HDAC9: variants seen among roughly 807,000 people sequenced by gnomAD.
The protein encoded by HDAC9 is MEF-2 interacting transcription repressor (MITR) protein.
HDAC9 carries 41 observed loss-of-function variants against 139.4 expected under a neutral mutation model. The ratio of observed to expected loss-of-function variants is 0.29; its 90% CI spans 0.23 to 0.38. The LOEUF is 0.38. Among genes scored for constraint, HDAC9 ranks in the 10% least tolerant of loss-of-function variants. The pLI is 1.00. For synonymous variants in HDAC9, 517 were observed against 476.2 expected (o/e 1.09, Z -1.12); for missense variants, 1,147 against 1,297.0 (o/e 0.88, Z 1.78).
At position 18,989,755 on chromosome 7, in the gene HDAC9, TC is replaced by T. The variant is rs1264059152; in HGVS notation, c.3171-6267del. 6.3e-5 allele frequency among the ~76,000 whole-genome samples: 5 copies of T among 79,106 alleles called. No homozygotes were observed. In the South Asian group the frequency reaches 1.2e-3, roughly 19 times the overall value. 51.9% of individuals were successfully genotyped at this position (79,106 alleles called of 152,430 possible). On this transcript the variant is annotated intron_variant, in intron 25 of 25. Transcript: ENST00000686413. The stretch of plus-strand genomic sequence containing the variant: ...TTTCTTGGAGGCTTTGCTCATTTCT[TC>T]TTATGCTTTTTTCTCTAAACTTCCC...
chr7:18,219,440 T>C (rs1006532300), intron 2 of HDAC9, among the ~76,000 whole-genome samples: 1 of 152,170 alleles, frequency 6.6e-6, no homozygotes, highest in Non-Finnish European at 1.5e-5. Flanking sequence ...CTAACTTACA[T>C]TTTATTGATT....
chr7:18,585,659 T>C (rs550144178), intron 3 of HDAC9, 137 bp downstream of exon 3: 11 of 1,184,470 alleles, frequency 9.3e-6, no homozygotes, highest in Admixed American at 2.7e-5. Flanking sequence ...GGAATTGTGA[T>C]TTTACTAGTG....
intron 2 of HDAC9, among the ~76,000 whole-genome samples, chr7:18,215,000 A>G (rs1266626189): frequency 6.6e-6 from 1 of 152,138 alleles, no homozygotes; most frequent in East Asian, 1.9e-4. Flanking sequence ...AACAGTTTAT[A>G]CTTAAGTACT....
chr7:18,655,120 G>A (rs1048510294), intron 11 of HDAC9, among the ~76,000 whole-genome samples: 2 of 152,164 alleles, frequency 1.3e-5, no homozygotes, highest in Admixed American at 1.3e-4. Context: ...GTTGGAAAAT[G>A]CCTTGTTTTA....
At chr7:18,497,799 G>T (rs887676812) in intron 2 of HDAC9, among the ~76,000 whole-genome samples, 1 of 152,066 alleles carries the variant, frequency 6.6e-6, no homozygotes, top group African/African-American at 2.4e-5. Flanking sequence ...CCTCACTTCT[G>T]TGTTACAAGT....
intron 22 of HDAC9, among the ~76,000 whole-genome samples, chr7:18,911,593 G>C (rs1264290038): frequency 3.3e-5 from 5 of 150,536 alleles, no homozygotes; most frequent in Non-Finnish European, 7.4e-5. Flanking sequence ...TTTTTTTTTA[G>C]ATGCATTGTT....
At position 18,508,240 on chromosome 7, in the gene HDAC9, G is replaced by T. The variant is rs541356076; in HGVS notation, c.22+11916G>T. 2.3e-3 allele frequency among the ~76,000 whole-genome samples: 353 copies of T among 152,316 alleles called. 3 individuals are homozygous for T. The highest frequency in any genetic ancestry group is 8.0e-3 in the African/African-American group (334 of 41,564). Reference sequence around the variant, plus strand: ...GGCAGTATTAACTAGGGTAGCTAGGGTAGTTAAGTGAAGGCTTTTGAGTCT... The same window carrying T: ...GGCAGTATTAACTAGGGTAGCTAGGTTAGTTAAGTGAAGGCTTTTGAGTCT... On this transcript the variant is annotated intron_variant, in intron 2 of 25. Coordinates refer to ENST00000686413, the MANE Select transcript of HDAC9 (RefSeq NM_178425.4).
intron 11 of HDAC9, among the ~76,000 whole-genome samples, chr7:18,657,383 T>C (rs1357297534): frequency 6.6e-6 from 1 of 152,128 alleles, no homozygotes; most frequent in Non-Finnish European, 1.5e-5. Flanking sequence ...AGATTTTGTC[T>C]ATTCTGAGAC....
intron 1 of HDAC9, among the ~76,000 whole-genome samples, chr7:18,462,785 C>T (rs537880362): frequency 8.3e-4 from 126 of 152,046 alleles, no homozygotes; most frequent in African/African-American, 2.9e-3. Flanking sequence ...TACCACTTTA[C>T]TCTTGATGGG....
chr7:18,402,546 A>G (rs1381617786), intron 1 of HDAC9, among the ~76,000 whole-genome samples: 2 of 152,194 alleles, frequency 1.3e-5, no homozygotes, highest in East Asian at 3.8e-4. Flanking sequence ...GGACCAGTTC[A>G]TGGAGGGTTT....
chr7:18,775,957 G>A (rs1049724005), intron 16 of HDAC9, among the ~76,000 whole-genome samples: 1 of 151,932 alleles, frequency 6.6e-6, no homozygotes, highest in Non-Finnish European at 1.5e-5. Context: ...TTTGAGACAG[G>A]GTCTTGCTCT....
At chr7:18,530,999 T>A (rs1198581139) in intron 2 of HDAC9, among the ~76,000 whole-genome samples, 1 of 151,990 alleles carries the variant, frequency 6.6e-6, no homozygotes, top group African/African-American at 2.4e-5. Context: ...ATTTTAACAA[T>A]TTTTTACTCG....
chr7:18,641,542 A>G (rs1785595500), intron 8 of HDAC9, among the ~76,000 whole-genome samples: 1 of 152,128 alleles, frequency 6.6e-6, no homozygotes, highest in Admixed American at 6.6e-5. Context: ...AACAATAGCC[A>G]TTCATACATT....
chr7:18,862,453 G>T (rs1306291093), intron 21 of HDAC9, among the ~76,000 whole-genome samples: 1 of 152,174 alleles, frequency 6.6e-6, no homozygotes, highest in African/African-American at 2.4e-5. Flanking sequence ...GCCAAGAACA[G>T]AAATTGAATA....
At chr7:18,736,565 T>C (rs1177456895) in intron 13 of HDAC9, among the ~76,000 whole-genome samples, 2 of 152,230 alleles carry the variant, frequency 1.3e-5, no homozygotes, top group Non-Finnish European at 2.9e-5. Context: ...GAACCAGCCT[T>C]GCATCCCAGC....
chr7:18,485,289 G>A lies in HDAC9; in HGVS notation c.-41-10973G>A, dbSNP rs931555484. On this transcript the variant is annotated intron_variant, in intron 1 of 3. Coordinates refer to the HDAC9 transcript ENST00000413509. ...CTTTATAAAAAGAATATAGCAAATAGCCCAGCATATTCCACCACCTTCTTG... is the reference window on the plus strand; with the variant it reads ...CTTTATAAAAAGAATATAGCAAATAACCCAGCATATTCCACCACCTTCTTG... 1.6e-4 allele frequency among the ~76,000 whole-genome samples: 25 copies of A among 152,094 alleles called. No individual in the cohort carries two copies. In the South Asian group the frequency reaches 5.2e-3, roughly 32 times the overall value.
intron 1 of HDAC9, among the ~76,000 whole-genome samples, chr7:18,463,945 T>G (rs1563013906): frequency 6.6e-6 from 1 of 151,964 alleles, no homozygotes. Flanking sequence ...CTTGGAAATT[T>G]GTTGAGACTC....
At chr7:18,283,435 C>T (rs1164467435) in intron 2 of HDAC9, among the ~76,000 whole-genome samples, 1 of 152,102 alleles carries the variant, frequency 6.6e-6, no homozygotes, top group African/African-American at 2.4e-5. Flanking sequence ...AGAGCCAAAC[C>T]ATATCAAAGA....
At chr7:18,592,210 C>A (rs891098188) in intron 5 of HDAC9, among the ~76,000 whole-genome samples, 3 of 151,816 alleles carry the variant, frequency 2.0e-5, no homozygotes, top group Non-Finnish European at 4.4e-5. Flanking sequence ...AAATAAATAA[C>A]TCTAAGTCTT....
Sources: allele counts gnomAD v4.1 joint callset (sites outside exome capture counted in the v4.1 genomes callset), GRCh38; gene constraint gnomAD v4.1.1; transcripts MANE v1.5; gene names NCBI Gene and HGNC (gene_info 2026-07-23, HGNC 2026-07-21).